Variants in NAA16 observed in about 807,000 individuals in gnomAD.
NAA16 encodes NARG1-like protein.
Under a neutral mutation model 110.3 loss-of-function variants are expected in NAA16, and 97 were observed. That is an observed-to-expected ratio of 0.88 (90% CI 0.75 to 1.04). The LOEUF (loss-of-function observed/expected upper bound fraction) is 1.04. Among genes scored for constraint, NAA16 ranks in the 50% least tolerant of loss-of-function variants. The pLI is 0.00. For missense variants in NAA16, 1,017 were observed against 1,005.1 expected (o/e 1.01, Z -0.16); for synonymous variants, 372 against 330.6 (o/e 1.13, Z -1.36).
At chr13:41,335,287 C>T (rs1186298939) in intron 8 of NAA16, among the ~76,000 whole-genome samples, 4 of 152,082 alleles carry the variant, frequency 2.6e-5, no homozygotes, top group African/African-American at 7.2e-5. Flanking sequence ...ATTCTTATCT[C>T]GTTTGAGCCA....
intron 9 of NAA16, among the ~76,000 whole-genome samples, chr13:41,350,336 C>T (rs2042796068): frequency 6.6e-6 from 1 of 151,144 alleles, no homozygotes. Context: ...CTCTGTCCCC[C>T]AGGCTGGAGT....
At chr13:41,354,920 C>G (rs1306470218) in intron 9 of NAA16, among the ~76,000 whole-genome samples, 4 of 78,302 alleles carry the variant, frequency 5.1e-5, no homozygotes, top group African/African-American at 2.1e-4. Context: ...TGTGAGTGGT[C>G]CATATATATA....
chr13:41,367,978 A>G (rs1165564669), intron 14 of NAA16, among the ~76,000 whole-genome samples: 2 of 152,236 alleles, frequency 1.3e-5, no homozygotes, highest in Non-Finnish European at 2.9e-5. Context: ...CAGGCAGATC[A>G]TTTGAGGCCA....
chr13:41,339,221 A>G (rs1399488107), intron 9 of NAA16, among the ~76,000 whole-genome samples: 1 of 151,584 alleles, frequency 6.6e-6, no homozygotes, highest in Non-Finnish European at 1.5e-5. Context: ...CCTCACCGAA[A>G]CCTCTGCCTC....
intron 5 of NAA16, among the ~76,000 whole-genome samples, chr13:41,324,258 G>C (rs2042025763): frequency 6.6e-6 from 1 of 150,962 alleles, no homozygotes; most frequent in South Asian, 2.1e-4. Context: ...CTGACCAAAA[G>C]ATAGTACTGT....
In NAA16 at chr13:41,331,259, A is replaced by G. The variant is rs760025824; in HGVS notation, c.812-15A>G. 2.5e-5 allele frequency: 39 copies of G among 1,538,486 alleles called. No individual in the cohort carries two copies. Among genetic ancestry groups the G allele is most frequent in the Non-Finnish European group, 3.3e-5 (37 of 1,119,272 alleles). ...TTTTGATGCTATGAATCTCACCCAT[A>G]TTTACTGATAATAGGCACTTTAGAA... is the stretch of plus-strand genomic sequence containing the variant. On this transcript the variant is annotated splice_polypyrimidine_tract_variant and intron_variant, in intron 7 of 19. Coordinates refer to ENST00000379406, the MANE Select transcript of NAA16 (RefSeq NM_024561.5).
intron 8 of NAA16, among the ~76,000 whole-genome samples, chr13:41,333,678 A>G (rs1160789367): frequency 6.6e-6 from 1 of 152,148 alleles, no homozygotes; most frequent in Non-Finnish European, 1.5e-5. Flanking sequence ...GCTTAGCTTT[A>G]AGATTACGAA....
intron 1 of NAA16, among the ~76,000 whole-genome samples, chr13:41,311,958 C>G (rs888010256): frequency 6.6e-6 from 1 of 152,230 alleles, no homozygotes; most frequent in African/African-American, 2.4e-5. Context: ...GTTTATTTTG[C>G]CAGTCTCTCC....
chr13:41,363,848 CTACTCTTA>C (rs2043159515), intron 13 of NAA16, among the ~76,000 whole-genome samples: 1 of 152,030 alleles, frequency 6.6e-6, no homozygotes, highest in Non-Finnish European at 1.5e-5. Context: ...AGAAAAGAAC[CTACTCTTA>C]TACCAGTTGT....
chr13:41,314,961 A>G (rs1024890844), intron 1 of NAA16, among the ~76,000 whole-genome samples: 7 of 152,208 alleles, frequency 4.6e-5, no homozygotes, highest in Admixed American at 3.3e-4. Context: ...GTCACTGCAC[A>G]CCAGCTTGGG....
chr13:41,351,972 C>T (rs933036449), intron 9 of NAA16, among the ~76,000 whole-genome samples: 5 of 152,262 alleles, frequency 3.3e-5, no homozygotes, highest in Admixed American at 6.5e-5. Context: ...CGAAATAAGT[C>T]TTATACTTGA....
intron 18 of NAA16, 115 bp downstream of exon 18, chr13:41,373,895 A>G: frequency 7.2e-7 from 1 of 1,383,756 alleles, no homozygotes; most frequent in Non-Finnish European, 9.4e-7. Context: ...GTATGGGGAG[A>G]GAAATGTGGA....
At chr13:41,336,889 A>G in intron 9 of NAA16, 133 bp downstream of exon 9, 1 of 507,116 alleles carries the variant, frequency 2.0e-6, no homozygotes, top group African/African-American at 2.0e-5. Flanking sequence ...TCAGTCATGT[A>G]CTGAAATTAC....
chr13:41,362,260 C>G, intron 13 of NAA16, 101 bp downstream of exon 13: 1 of 1,299,102 alleles, frequency 7.7e-7, no homozygotes, highest in Non-Finnish European at 1.0e-6. Flanking sequence ...TCTCTGGGAG[C>G]TTCATTGTGA....
intron 9 of NAA16, among the ~76,000 whole-genome samples, chr13:41,341,560 G>A (rs1315576294): frequency 6.6e-6 from 1 of 151,742 alleles, no homozygotes; most frequent in African/African-American, 2.4e-5. Flanking sequence ...TACAAAAAAT[G>A]AAGACAATTA....
At chr13:41,315,474 CTT>C (rs1265298446) in intron 1 of NAA16, among the ~76,000 whole-genome samples, 2 of 152,112 alleles carry the variant, frequency 1.3e-5, no homozygotes, top group Non-Finnish European at 2.9e-5. Context: ...TAATGATGGT[CTT>C]TGGAGTAAGA....
chr13:41,318,839 GT>G lies in NAA16; in HGVS notation c.176del (p.Leu59Ter), dbSNP rs1381729506. On this transcript the variant is annotated frameshift_variant, in exon 3 of 20. Coordinates refer to ENST00000379406, the MANE Select transcript of NAA16 (RefSeq NM_024561.5). LOFTEE classifies it high-confidence loss of function. ...TLAMKGLTLN[C>X]LGKKEEAYEF... ...GCTATGAAAGGATTAACACTGAACT[GT>G]TTAGGAAAAAAAGAAGAAGCTTATG... 1.2e-6 allele frequency: 2 copies of G among 1,601,450 alleles called. No homozygotes were observed. The highest frequency in any genetic ancestry group is 1.7e-6 in the Non-Finnish European group (2 of 1,174,912).
rs914242354 is a variant in NAA16, at chr13:41,318,619, T to G, written c.140-187T>G. 5.9e-5 allele frequency among the ~76,000 whole-genome samples: 9 copies of G among 152,366 alleles called. 1 individual carries two copies. The highest frequency in any genetic ancestry group is 1.9e-4 in the African/African-American group (8 of 41,588). ...AATTTCAGAAAAGGACTTGGGCTGCTAAGCTTTAAGTAAATATTTAAATGT... is the reference window on the plus strand; with the variant it reads ...AATTTCAGAAAAGGACTTGGGCTGCGAAGCTTTAAGTAAATATTTAAATGT... On this transcript the variant is annotated intron_variant, in intron 2 of 19. Transcript: ENST00000379406.
chr13:41,343,279 G>A (rs2042600129), intron 9 of NAA16, among the ~76,000 whole-genome samples: 1 of 151,992 alleles, frequency 6.6e-6, no homozygotes, highest in African/African-American at 2.4e-5. Context: ...TTGTAGAGAT[G>A]GGGTCTTGCT....
Sources: gnomAD v4.1 joint callset for allele counts (sites outside exome capture counted in the v4.1 genomes callset) on GRCh38, gnomAD v4.1.1 for gene constraint, MANE v1.5 for transcripts, NCBI Gene and HGNC (gene_info 2026-07-23, HGNC 2026-07-21) for gene names.